Variants in ERC2 observed in about 807,000 individuals in gnomAD.
The protein encoded by ERC2 is ELKS/RAB6-interacting/CAST family member 2, also known as ERC protein 2.
In ERC2, 42 loss-of-function variants were observed where a neutral mutation model predicts 114.8. The observed-to-expected ratio is 0.37, with a 90% confidence interval of 0.29 to 0.47. ERC2 has a LOEUF of 0.47. Ranked by LOEUF, ERC2 falls within the 20% of genes least tolerant of loss-of-function variation. The pLI, the probability that ERC2 is intolerant of heterozygous loss-of-function variation, is 0.99. For missense variants in ERC2, 939 were observed against 1,150.7 expected (o/e 0.82, Z 2.66); for synonymous variants, 454 against 425.5 (o/e 1.07, Z -0.82).
At chr3:55,888,152 C>A (rs1221867711) in intron 14 of ERC2, among the ~76,000 whole-genome samples, 1 of 152,172 alleles carries the variant, frequency 6.6e-6, no homozygotes, top group Non-Finnish European at 1.5e-5. Context: ...AACACAGACA[C>A]CCAAAATCTA....
chr3:56,251,833 A>T (rs925884430), intron 3 of ERC2, among the ~76,000 whole-genome samples: 2 of 152,216 alleles, frequency 1.3e-5, no homozygotes, highest in Non-Finnish European at 2.9e-5. Flanking sequence ...GAAACTCTTT[A>T]CTTGTAGATG....
intron 7 of ERC2, among the ~76,000 whole-genome samples, chr3:56,079,252 C>T (rs1225570599): frequency 1.3e-5 from 2 of 151,998 alleles, no homozygotes; most frequent in African/African-American, 4.8e-5. Context: ...TTCACGAAAG[C>T]GCTTCCATTT....
At chr3:55,843,317 T>C (rs148219883) in intron 14 of ERC2, among the ~76,000 whole-genome samples, 21 of 152,318 alleles carry the variant, frequency 1.4e-4, no homozygotes, top group African/African-American at 2.9e-4. Flanking sequence ...AGGGATAAGA[T>C]AGAAGGAACC....
At chr3:56,193,752 A>G (rs998952070) in intron 3 of ERC2, among the ~76,000 whole-genome samples, 1 of 152,220 alleles carries the variant, frequency 6.6e-6, no homozygotes, top group Non-Finnish European at 1.5e-5. Context: ...CCTGAGGCCC[A>G]GAGAGGTTAA....
At chr3:56,256,336 T>G (rs1347758544) in intron 3 of ERC2, among the ~76,000 whole-genome samples, 1 of 152,246 alleles carries the variant, frequency 6.6e-6, no homozygotes, top group Non-Finnish European at 1.5e-5. Context: ...AAGTGAGTAC[T>G]GAATAACAGA....
At chr3:55,964,598 T>C (rs776547004) in intron 12 of ERC2, among the ~76,000 whole-genome samples, 4 of 152,212 alleles carry the variant, frequency 2.6e-5, no homozygotes, top group African/African-American at 4.8e-5. Flanking sequence ...AGGTTTCTAT[T>C]GGTACATAAC....
At chr3:55,921,813 AT>A (rs901832945) in intron 13 of ERC2, among the ~76,000 whole-genome samples, 1 of 152,154 alleles carries the variant, frequency 6.6e-6, no homozygotes, top group African/African-American at 2.4e-5. Flanking sequence ...AAAGTACTTA[AT>A]GGGACATCTT....
chr3:56,273,149 T>C (rs74742247), intron 3 of ERC2, among the ~76,000 whole-genome samples: 1,996 of 152,272 alleles, frequency 0.013, 38 homozygotes, highest in African/African-American at 0.044. Flanking sequence ...TTGCTTCATC[T>C]TCCTTGGTAT....
chr3:56,013,348 C>T (rs1403676538), intron 8 of ERC2, among the ~76,000 whole-genome samples: 2 of 152,218 alleles, frequency 1.3e-5, no homozygotes, highest in South Asian at 2.1e-4. Context: ...TCACAGCATG[C>T]CTTGTTACAG....
chr3:56,177,761 C>T (rs551756500), intron 3 of ERC2, among the ~76,000 whole-genome samples: 1 of 152,290 alleles, frequency 6.6e-6, no homozygotes, highest in South Asian at 2.1e-4. Context: ...CTTCCCCTCT[C>T]TGATCAGCAG....
chr3:55,991,786 CT>C (rs1264070497), intron 11 of ERC2, among the ~76,000 whole-genome samples: 1 of 152,174 alleles, frequency 6.6e-6, no homozygotes, highest in Admixed American at 6.5e-5. Flanking sequence ...ACACACTTCG[CT>C]GGAAAAACGC....
intron 6 of ERC2, among the ~76,000 whole-genome samples, chr3:56,128,506 T>C (rs911571250): frequency 6.6e-6 from 1 of 152,156 alleles, no homozygotes; most frequent in African/African-American, 2.4e-5. Flanking sequence ...CACACATACA[T>C]ACACAGGGCA....
intron 13 of ERC2, among the ~76,000 whole-genome samples, chr3:55,891,107 C>T (rs1272868974): frequency 6.6e-6 from 1 of 152,210 alleles, no homozygotes; most frequent in East Asian, 1.9e-4. Flanking sequence ...AGTTCTCTTC[C>T]TTACAGGCAC....
intron 14 of ERC2, among the ~76,000 whole-genome samples, chr3:55,868,546 T>C (rs2062430527): frequency 6.6e-6 from 1 of 152,206 alleles, no homozygotes; most frequent in Admixed American, 6.5e-5. Context: ...CCCGGCTGAT[T>C]TGGTGAAGCC....
intron 3 of ERC2, among the ~76,000 whole-genome samples, chr3:56,174,355 A>C (rs1027677238): frequency 6.6e-6 from 1 of 152,228 alleles, no homozygotes; most frequent in Non-Finnish European, 1.5e-5. Flanking sequence ...GTGTGTTCAG[A>C]TCACACTTGG....
chr3:55,841,898 C>G (rs1226887785), intron 14 of ERC2, among the ~76,000 whole-genome samples: 1 of 152,148 alleles, frequency 6.6e-6, no homozygotes, highest in Admixed American at 6.5e-5. Context: ...TACTACATCT[C>G]GTCTTGAAAA....
intron 2 of ERC2, among the ~76,000 whole-genome samples, chr3:56,422,428 C>G (rs1392615969): frequency 6.6e-6 from 1 of 152,134 alleles, no homozygotes; most frequent in East Asian, 1.9e-4. Context: ...TCCTCCCATC[C>G]TTCTGGATGG....
At chr3:56,048,396 C>G (rs1273508927) in intron 7 of ERC2, among the ~76,000 whole-genome samples, 1 of 152,180 alleles carries the variant, frequency 6.6e-6, no homozygotes, top group Non-Finnish European at 1.5e-5. Context: ...CTCTCACATT[C>G]TAAACACAGT....
intron 2 of ERC2, among the ~76,000 whole-genome samples, chr3:56,390,064 T>C (rs919629907): frequency 6.6e-6 from 1 of 152,098 alleles, no homozygotes; most frequent in Admixed American, 6.6e-5. Flanking sequence ...ACAAAATAAA[T>C]GACCATGTTG....
Sources: allele counts gnomAD v4.1 joint callset (sites outside exome capture counted in the v4.1 genomes callset), GRCh38; gene constraint gnomAD v4.1.1; transcripts MANE v1.5; gene names NCBI Gene and HGNC (gene_info 2026-07-23, HGNC 2026-07-21).